RBFOX1: variants seen among roughly 807,000 people sequenced by gnomAD.
RBFOX1 encodes RNA binding protein fox-1 homolog 1.
RBFOX1 carries 8 observed loss-of-function variants against 57.7 expected under a neutral mutation model. That is an observed-to-expected ratio of 0.14 (90% CI 0.08 to 0.25). The LOEUF (loss-of-function observed/expected upper bound fraction) is 0.25. Among genes scored for constraint, RBFOX1 ranks in the 10% least tolerant of loss-of-function variants. The pLI, the probability that RBFOX1 is intolerant of heterozygous loss-of-function variation, is 1.00. For synonymous variants in RBFOX1, 326 were observed against 222.4 expected, an observed-to-expected ratio of 1.47 and a Z score of -4.15; for missense variants, 611 against 548.5, an observed-to-expected ratio of 1.11 and a Z score of -1.14.
chr16:5,796,387 A>C (rs2054878927), intron 3 of RBFOX1, among the ~76,000 whole-genome samples: 1 of 152,200 alleles, frequency 6.6e-6, no homozygotes, highest in South Asian at 2.1e-4. Flanking sequence ...GACCAAATAT[A>C]TCCACAGTGA....
intron 9 of RBFOX1, among the ~76,000 whole-genome samples, chr16:7,605,111 A>C (rs56729898): frequency 6.6e-6 from 1 of 152,038 alleles, no homozygotes; most frequent in African/African-American, 2.4e-5. Flanking sequence ...TTTTTCTTAG[A>C]CTCCAAGTTG....
At chr16:5,600,856 C>G (rs1040950852), downstream of RBFOX1, among the ~76,000 whole-genome samples, 6 of 152,136 alleles carry the variant, frequency 3.9e-5, no homozygotes, top group African/African-American at 1.2e-4. Context: ...AATGTTTGAT[C>G]TCTGTTCTTT....
At chr16:5,602,681 C>T (rs1006440405), downstream of RBFOX1, among the ~76,000 whole-genome samples, 1 of 151,898 alleles carries the variant, frequency 6.6e-6, no homozygotes, top group African/African-American at 2.4e-5. Context: ...CCTTTAGACC[C>T]TTTTATTTTT....
At chr16:7,703,133 T>A (rs1398668598) in intron 14 of RBFOX1, among the ~76,000 whole-genome samples, 1 of 152,252 alleles carries the variant, frequency 6.6e-6, no homozygotes, top group Admixed American at 6.5e-5. Context: ...GCCCTGTTGC[T>A]ATGCTGTACG....
At chr16:5,411,890 AAAAAG>A (rs2067031094) in intron 1 of RBFOX1, among the ~76,000 whole-genome samples, 1 of 152,158 alleles carries the variant, frequency 6.6e-6, no homozygotes, top group Non-Finnish European at 1.5e-5. Context: ...CTCAAAGGAA[AAAAAG>A]AAAAGAAAAT....
At chr16:6,904,415 A>C (rs960118470) in intron 3 of RBFOX1, among the ~76,000 whole-genome samples, 29 of 151,984 alleles carry the variant, frequency 1.9e-4, no homozygotes, top group African/African-American at 7.0e-4. Flanking sequence ...AGTCTGGCCA[A>C]CATGGTGAAT....
chr16:6,522,713 G>A (rs1567545899), intron 2 of RBFOX1, among the ~76,000 whole-genome samples: 2 of 152,096 alleles, frequency 1.3e-5, no homozygotes, highest in South Asian at 2.1e-4. Context: ...CCATAAGAAG[G>A]GATATTTTGG....
intron 4 of RBFOX1, among the ~76,000 whole-genome samples, chr16:7,447,843 G>C (rs2098820656): frequency 6.6e-6 from 1 of 152,224 alleles, no homozygotes; most frequent in East Asian, 1.9e-4. Context: ...ACCTAGCCTA[G>C]AACAGATTTT....
chr16:5,999,973 G>A (rs914019097), intron 4 of RBFOX1, among the ~76,000 whole-genome samples: 6 of 149,290 alleles, frequency 4.0e-5, no homozygotes, highest in East Asian at 4.0e-4. Context: ...GTTACTGAGC[G>A]GACCACAGCT....
intron 3 of RBFOX1, among the ~76,000 whole-genome samples, chr16:5,722,201 A>C (rs981559885): frequency 5.3e-5 from 8 of 152,234 alleles, no homozygotes; most frequent in African/African-American, 1.9e-4. Context: ...TGTTAATTAC[A>C]GTATTTAACT....
At chr16:5,309,031 C>G (rs969155992) in intron 1 of RBFOX1, among the ~76,000 whole-genome samples, 1 of 152,126 alleles carries the variant, frequency 6.6e-6, no homozygotes, top group East Asian at 1.9e-4. Flanking sequence ...GTTGTCTTGG[C>G]TAGAGCTTCC....
chr16:6,594,145 T>C (rs1223908312), intron 2 of RBFOX1, among the ~76,000 whole-genome samples: 2 of 152,200 alleles, frequency 1.3e-5, no homozygotes, highest in Non-Finnish European at 2.9e-5. Context: ...GACAGGAGCT[T>C]AGCAAGAATA....
chr16:7,678,173 G>A lies in RBFOX1; in HGVS notation c.995+1335G>A, dbSNP rs542193247. ...TAACAAGTTCTCAAGGCTGTAGGGG[G>A]CCTTCAGAGAAATCCAGACAATTGT... On this transcript the variant is annotated intron_variant, in intron 14 of 15. Coordinates refer to ENST00000550418, the MANE Select transcript of RBFOX1 (RefSeq NM_018723.4). Among the ~76,000 whole-genome samples, 150 of 152,258 alleles carry A rather than the reference G, an allele frequency of 9.9e-4. 1 individual carries two copies. Among genetic ancestry groups the A allele is most frequent in the African/African-American group, 3.2e-3 (134 of 41,552 alleles).
intron 3 of RBFOX1, among the ~76,000 whole-genome samples, chr16:7,036,901 T>C (rs1381755894): frequency 6.6e-6 from 1 of 152,116 alleles, no homozygotes; most frequent in Admixed American, 6.5e-5. Flanking sequence ...TTGTTTCCCA[T>C]TTTTATGGTT....
chr16:5,692,351 G>A (rs868719053), intron 3 of RBFOX1, among the ~76,000 whole-genome samples: 4 of 152,072 alleles, frequency 2.6e-5, no homozygotes, highest in South Asian at 2.1e-4. Flanking sequence ...GATGAGAGTG[G>A]TCTCTGGCCA....
chr16:6,125,545 C>A (rs1369069440), intron 1 of RBFOX1, among the ~76,000 whole-genome samples: 1 of 152,134 alleles, frequency 6.6e-6, no homozygotes, highest in Non-Finnish European at 1.5e-5. Context: ...AATGTGAATG[C>A]CATATGCCTG....
intron 4 of RBFOX1, among the ~76,000 whole-genome samples, chr16:7,351,319 C>T (rs559190231): frequency 6.6e-5 from 10 of 152,354 alleles, no homozygotes; most frequent in African/African-American, 1.2e-4. Flanking sequence ...AAGGTTATTA[C>T]GCATTGACTG....
chr16:6,701,519 C>G (rs55769911), intron 3 of RBFOX1, among the ~76,000 whole-genome samples: 12,257 of 152,240 alleles, frequency 0.081, 686 homozygotes, highest in African/African-American at 0.16. Context: ...CCAGCATTTG[C>G]TCAGCTTCTG....
chr16:5,310,753 T>C (rs1439502625), intron 1 of RBFOX1, among the ~76,000 whole-genome samples: 2 of 152,216 alleles, frequency 1.3e-5, no homozygotes, highest in Admixed American at 6.5e-5. Context: ...ATCTTTTCTT[T>C]CCTTTATTTT....
Sources: allele counts gnomAD v4.1 joint callset (sites outside exome capture counted in the v4.1 genomes callset), GRCh38; gene constraint gnomAD v4.1.1; transcripts MANE v1.5; gene names NCBI Gene and HGNC (gene_info 2026-07-23, HGNC 2026-07-21).